Variants in HYDIN observed in about 807,000 individuals in gnomAD.
HYDIN encodes axonemal central pair apparatus protein HYDIN.
A neutral mutation model predicts 403.9 loss-of-function variants in HYDIN; 132 were observed. That is an observed-to-expected ratio of 0.33 (90% CI 0.28 to 0.38). The LOEUF (loss-of-function observed/expected upper bound fraction) is 0.38, where lower values mean the gene tolerates loss of function less well. Among genes scored for constraint, HYDIN ranks in the 10% least tolerant of loss-of-function variants. The pLI, the probability that HYDIN is intolerant of heterozygous loss-of-function variation, is 1.00. For missense variants in HYDIN, 2,827 were observed against 5,009.5 expected (o/e 0.56, Z 13.15); for synonymous variants, 1,202 against 1,891.7 (o/e 0.64, Z 9.46).
At position 70,940,337 on chromosome 16, in the gene HYDIN, T is replaced by G. The variant is rs558554108; in HGVS notation, c.6853+1299A>C. On this transcript the variant is annotated intron_variant, in intron 43 of 85. Coordinates refer to ENST00000393567, the MANE Select transcript of HYDIN (RefSeq NM_001270974.2). ...CTCAGACACCTGCATTTGAGCTCCT[T>G]CCCGGCCACTTATCAAGAGATAATC... Among the ~76,000 whole-genome samples the G allele has an allele frequency of 5.6e-3, 844 of 151,788 alleles. 7 individuals are homozygous for G. The highest frequency in any genetic ancestry group is 0.019 in the African/African-American group (801 of 41,376).
chr16:71,067,749 A>C (rs2082324166), intron 14 of HYDIN, among the ~76,000 whole-genome samples: 1 of 152,146 alleles, frequency 6.6e-6, no homozygotes, highest in African/African-American at 2.4e-5. Context: ...GGCTATATGA[A>C]TTATGAAAAT....
At chr16:71,000,294 G>A (rs2079661364) in intron 23 of HYDIN, among the ~76,000 whole-genome samples, 1 of 149,214 alleles carries the variant, frequency 6.7e-6, no homozygotes, top group African/African-American at 2.5e-5. Flanking sequence ...CACTGATACT[G>A]GAAACATCGG....
intron 4 of HYDIN, 147 bp downstream of exon 4, chr16:71,178,781 G>C (rs1432040914): frequency 2.8e-6 from 2 of 721,758 alleles, no homozygotes; most frequent in African/African-American, 3.5e-5. Context: ...TCGTCATTAA[G>C]TTTACAATCA....
chr16:70,834,161 G>A lies in HYDIN; in HGVS notation c.13405C>T (p.Leu4469Phe). 8 of 1,613,912 alleles carry A rather than the reference G, an allele frequency of 5.0e-6. No homozygotes were observed. Among genetic ancestry groups the A allele is most frequent in the Non-Finnish European group, 6.8e-6 (8 of 1,179,864 alleles). Reference protein sequence around the residue: ...TIPELQEPKVLTLAPFHNITL... With the variant: ...TIPELQEPKVFTLAPFHNITL... ...ATGTTGTGGAAGGGCGCCAGGGTAA[G>A]GACCTGAATGAAATAGCACCCAGAG... is the stretch of plus-strand genomic sequence containing the variant. Residue 4469 changes from leucine (L) to phenylalanine (F), a missense_variant, in exon 79 of 86, where the codon CTT (leucine) becomes TTT (phenylalanine). Coordinates refer to ENST00000393567, the MANE Select transcript of HYDIN (RefSeq NM_001270974.2).
chr16:71,157,792 A>G (rs2085833555), intron 6 of HYDIN, among the ~76,000 whole-genome samples: 1 of 140,124 alleles, frequency 7.1e-6, no homozygotes, highest in African/African-American at 2.7e-5. Flanking sequence ...CTCCAACTGA[A>G]GAAGGTGAGA....
chr16:70,920,687 G>A lies in HYDIN; in HGVS notation c.7689C>T (p.Asp2563=). 1.2e-6 allele frequency: 2 copies of A among 1,612,060 alleles called. No homozygotes were observed. The highest frequency in any genetic ancestry group is 2.2e-5 in the East Asian group (1 of 44,846). The part of the protein sequence containing the change: ...EEDHEGKKEK[D]LGVPFLDIQT... ...GGATGTCTAGGAAGGGTACGCCCAG[G>A]TCCTTCTCCTTCTTCCCTTCGTGGT... is the stretch of plus-strand genomic sequence containing the variant. Residue 2563 remains aspartate (D), a synonymous_variant, in exon 46 of 86, where the codon GAC becomes GAT. Coordinates refer to ENST00000393567, the MANE Select transcript of HYDIN (RefSeq NM_001270974.2).
intron 1 of HYDIN, among the ~76,000 whole-genome samples, chr16:71,224,559 C>CTTTTT (rs34595246): frequency 1.5e-4 from 18 of 117,390 alleles, no homozygotes; most frequent in South Asian, 2.8e-4. Flanking sequence ...TAAGGTTTTT[C>CTTTTT]TTTTTTTTTT....
intron 6 of HYDIN, among the ~76,000 whole-genome samples, chr16:71,158,269 G>A (rs1304569915): frequency 6.6e-6 from 1 of 152,202 alleles, no homozygotes; most frequent in Admixed American, 6.5e-5. Flanking sequence ...TCCCTTCACA[G>A]TAAAATGGCA....
intron 8 of HYDIN, chr16:71,133,087 G>T: frequency 2.7e-6 from 1 of 368,806 alleles, no homozygotes. Context: ...GAAGATGTGT[G>T]TCTCCAGTGC....
intron 1 of HYDIN, among the ~76,000 whole-genome samples, chr16:71,196,080 C>G (rs2087686153): frequency 6.6e-6 from 1 of 152,090 alleles, no homozygotes; most frequent in Admixed American, 6.5e-5. Flanking sequence ...TGACTCATAC[C>G]AAGAATCTAC....
chr16:71,116,933 A>C (rs1185818914), intron 9 of HYDIN, among the ~76,000 whole-genome samples: 3 of 152,098 alleles, frequency 2.0e-5, no homozygotes, highest in Admixed American at 6.6e-5. Context: ...AGAGAAGCAG[A>C]AAGGTGTGGG....
In HYDIN at chr16:70,874,489, G is replaced by A. The variant is rs2040326543; in HGVS notation, c.10764C>T (p.Ile3588=). ...ATTGGTTGTTGATCACTGACAAGTG[G>A]ATGATACCTCTCATCCTCCCAACCT... ...SQKVGRMRGI[I]HLSVINNQYE... Residue 3588 remains isoleucine, a synonymous_variant, in exon 64 of 86, where the codon ATC becomes ATT. Coordinates refer to ENST00000393567, the MANE Select transcript of HYDIN (RefSeq NM_001270974.2). 1.7e-6 allele frequency: 1 copy of A among 573,750 alleles called. No homozygotes were observed. Among genetic ancestry groups the A allele is most frequent in the Non-Finnish European group, 3.0e-6 (1 of 334,112 alleles). The allele number at this position is 573,750 out of a possible 1,614,324, so 35.5% of individuals were successfully genotyped here.
intron 8 of HYDIN, among the ~76,000 whole-genome samples, chr16:71,135,221 T>C (rs202087273): frequency 6.6e-6 from 1 of 151,904 alleles, no homozygotes; most frequent in Admixed American, 6.6e-5. Flanking sequence ...GCAAGGGAGA[T>C]AGTAAAAGAA....
chr16:70,919,403 T>C (rs1269104810), intron 46 of HYDIN, among the ~76,000 whole-genome samples: 1 of 151,876 alleles, frequency 6.6e-6, no homozygotes, highest in Non-Finnish European at 1.5e-5. Flanking sequence ...AGAGCTGATG[T>C]TGTGTGTCCC....
rs1013456983 is a variant in HYDIN, at chr16:71,062,213, A to T, written c.2332T>A (p.Ser778Thr). The T allele has an allele frequency of 3.3e-6, 5 of 1,509,220 alleles. No homozygotes were observed. The highest frequency in any genetic ancestry group is 4.6e-6 in the Non-Finnish European group (5 of 1,094,418). 93.5% of individuals were successfully genotyped at this position (1,509,220 alleles called of 1,614,324 possible). A position where few individuals can be genotyped will look rare whatever the true frequency, so the allele number is the denominator to read the frequency against. ...CCAAAGATTGAGATGTAAACCGTGG[A>T]TCTGTGTTCTCCAGTGACCTGGGTC... ...LETQVTGEHR[S>T]TVYISIFGSQ... Residue 778 changes from serine to threonine, a missense_variant, in exon 17 of 86, where the codon TCC becomes ACC. By Grantham distance (58) the Ser-to-Thr change is moderately conservative. Coordinates refer to ENST00000393567, the MANE Select transcript of HYDIN (RefSeq NM_001270974.2).
At chr16:71,215,997 T>C (rs1260556419) in intron 1 of HYDIN, among the ~76,000 whole-genome samples, 1 of 152,132 alleles carries the variant, frequency 6.6e-6, no homozygotes, top group Non-Finnish European at 1.5e-5. Context: ...TGTGTTGTAA[T>C]GGGAAATGCC....
intron 30 of HYDIN, among the ~76,000 whole-genome samples, chr16:70,975,972 C>G (rs1159629895): frequency 7.2e-6 from 1 of 138,790 alleles, no homozygotes; most frequent in Non-Finnish European, 1.6e-5. Flanking sequence ...GGAACCATCT[C>G]TTTGACACGT....
chr16:71,132,364 G>A (rs2084744096), intron 8 of HYDIN: 1 of 11,664 alleles, frequency 8.6e-5, no homozygotes, highest in African/African-American at 4.2e-4. Flanking sequence ...GAAGGTGGAG[G>A]CAATGGATTA....
intron 23 of HYDIN, among the ~76,000 whole-genome samples, chr16:70,997,298 T>C (rs1445068060): frequency 1.4e-5 from 2 of 141,800 alleles, no homozygotes; most frequent in Admixed American, 1.4e-4. Context: ...GTACTGTTCC[T>C]TGGGGAGTTG....
Sources: gnomAD v4.1 joint callset for allele counts (sites outside exome capture counted in the v4.1 genomes callset) on GRCh38, gnomAD v4.1.1 for gene constraint, MANE v1.5 for transcripts, NCBI Gene and HGNC (gene_info 2026-07-23, HGNC 2026-07-21) for gene names.